GRIK3: variants seen among roughly 807,000 people sequenced by gnomAD.
The protein encoded by GRIK3 is glutamate receptor ionotropic, kainate 3.
In GRIK3, 29 loss-of-function variants were observed where a neutral mutation model predicts 102.5. The ratio of observed to expected loss-of-function variants is 0.28; its 90% CI spans 0.21 to 0.39. The LOEUF (loss-of-function observed/expected upper bound fraction) is 0.39, where lower values mean the gene tolerates loss of function less well. Among genes scored for constraint, GRIK3 ranks in the 10% least tolerant of loss-of-function variants. The pLI, the probability that GRIK3 is intolerant of heterozygous loss-of-function variation, is 1.00. For synonymous variants in GRIK3, 511 were observed against 504.9 expected, an observed-to-expected ratio of 1.01 and a Z score of -0.16; for missense variants, 908 against 1,252.4, an observed-to-expected ratio of 0.73 and a Z score of 4.15.
chr1:37,000,374 A>G (rs1642464201), intron 1 of GRIK3, among the ~76,000 whole-genome samples: 1 of 152,234 alleles, frequency 6.6e-6, no homozygotes, highest in Non-Finnish European at 1.5e-5. Context: ...TATAACCTCT[A>G]ATTAATTCAG....
At chr1:36,902,907 A>G (rs771050213) in intron 1 of GRIK3, among the ~76,000 whole-genome samples, 10 of 151,950 alleles carry the variant, frequency 6.6e-5, no homozygotes, top group Non-Finnish European at 1.0e-4. Context: ...CTCCTGTCTC[A>G]GCCTCCTGAG....
At chr1:37,010,698 C>G (rs34270812) in intron 1 of GRIK3, among the ~76,000 whole-genome samples, 3 of 150,858 alleles carry the variant, frequency 2.0e-5, no homozygotes, top group Admixed American at 6.6e-5. Context: ...ACTGCGCCAT[C>G]GCAGGTGTCA....
Position 36,819,844 on chromosome 1 carries a change from A to T in GRIK3, c.1765T>A (p.Tyr589Asn). The stretch of plus-strand genomic sequence containing the variant: ...CAGGGGTGAGCATCGTACCACTCAT[A>T]AGGGCTGAACCTGCCACAGGAGGAG... ...VLFVIARFSP[Y>N]EWYDAHPCNP... The change falls in exon 12 of 16, where the codon TAT becomes AAT. Residue 589 changes from tyrosine (Y) to asparagine (N), a missense_variant. Tyr to Asn is a moderately radical substitution (Grantham distance 143, BLOSUM62 -2). Around this residue, in one of 3 missense-constraint regions of GRIK3, gnomAD observed 585 missense variants for 824.9 expected, o/e 0.71. Transcript: ENST00000373091. This position sits in a 1 kb window ranked among gnomAD's most constrained non-coding sequence, Gnocchi z 4.1. 1.3e-6 allele frequency: 2 copies of T among 1,557,226 alleles called. No individual in the cohort carries two copies. Among genetic ancestry groups the T allele is most frequent in the Non-Finnish European group, 1.8e-6 (2 of 1,139,546 alleles).
At chr1:36,864,061 C>T (rs757541884) in intron 5 of GRIK3, among the ~76,000 whole-genome samples, 2 of 152,114 alleles carry the variant, frequency 1.3e-5, no homozygotes, top group African/African-American at 4.8e-5. Flanking sequence ...GTGTTATTGC[C>T]GGGAAGTGGC....
intron 10 of GRIK3, among the ~76,000 whole-genome samples, chr1:36,835,751 C>G (rs1170878587): frequency 6.6e-6 from 1 of 152,202 alleles, no homozygotes. Flanking sequence ...CCAATACTCC[C>G]TTCATCCCTC....
chr1:36,848,883 A>AAT (rs1317804652), intron 9 of GRIK3, among the ~76,000 whole-genome samples: 1 of 152,092 alleles, frequency 6.6e-6, no homozygotes, highest in African/African-American at 2.4e-5. Flanking sequence ...AAAGTTGATC[A>AAT]ATAAAGGCCA....
chr1:36,802,552 T>G (rs1179222942), intron 15 of GRIK3, among the ~76,000 whole-genome samples: 1 of 152,188 alleles, frequency 6.6e-6, no homozygotes, highest in Non-Finnish European at 1.5e-5. Context: ...CTCAGGGAAG[T>G]CCAGCACATG....
chr1:36,846,467 T>A (rs1479940419), intron 9 of GRIK3, among the ~76,000 whole-genome samples: 1 of 152,180 alleles, frequency 6.6e-6, no homozygotes, highest in Non-Finnish European at 1.5e-5. Context: ...AACTCCCCCT[T>A]ATCAGGGGTC....
intron 1 of GRIK3, among the ~76,000 whole-genome samples, chr1:36,914,602 C>T (rs1641379434): frequency 6.6e-6 from 1 of 152,156 alleles, no homozygotes; most frequent in Admixed American, 6.5e-5. Context: ...ATTTGAGGTC[C>T]AGGGCTAGAT....
chr1:36,926,483 C>T (rs2133909), intron 1 of GRIK3, among the ~76,000 whole-genome samples: 126,360 of 151,584 alleles, frequency 0.83, 53,314 homozygotes, highest in Admixed American at 0.9. Context: ...CTCTGCCTCC[C>T]GGGTTCAAGC....
chr1:36,926,679 G>A (rs1432460827), intron 1 of GRIK3, among the ~76,000 whole-genome samples: 1 of 151,936 alleles, frequency 6.6e-6, no homozygotes, highest in Non-Finnish European at 1.5e-5. Context: ...GTGAGCCACC[G>A]TGCCCGGCCC....
chr1:37,033,056 T>C (rs1398715643), intron 1 of GRIK3, among the ~76,000 whole-genome samples: 15 of 152,032 alleles, frequency 9.9e-5, no homozygotes, highest in African/African-American at 3.6e-4. Context: ...CCTGCGGTGA[T>C]GGAGGCTCCG....
intron 10 of GRIK3, among the ~76,000 whole-genome samples, chr1:36,832,960 C>T (rs1640327403): frequency 6.6e-6 from 1 of 152,194 alleles, no homozygotes; most frequent in African/African-American, 2.4e-5. Context: ...CCGCACTGCT[C>T]CTCCGTGTCT....
rs781151512 is a variant in GRIK3 at position 36,880,013 on chromosome 1, G to A, written c.550+621C>T. ...GGGTAGAGAAGAGTGTGTGTGTGGC[G>A]GGTGAAGGTGTGAGGAGGATGAGAA... On this transcript the variant is annotated intron_variant, in intron 3 of 15. Transcript: ENST00000373091. This position sits in a 1 kb window ranked among gnomAD's most constrained non-coding sequence, Gnocchi z 5.4. Among the ~76,000 whole-genome samples, 11 of 152,096 alleles carry A rather than the reference G, an allele frequency of 7.2e-5. No individual in the cohort carries two copies. The highest frequency in any genetic ancestry group is 1.5e-4 in the Non-Finnish European group (10 of 67,992).
chr1:36,841,691 T>A (rs1307250283), intron 10 of GRIK3, 45 bp downstream of exon 10: 3 of 1,517,594 alleles, frequency 2.0e-6, no homozygotes, highest in Non-Finnish European at 2.7e-6. Flanking sequence ...CTAGGCCAAG[T>A]CTCCCCAGGG....
At chr1:37,033,965 G>A in intron 1 of GRIK3, 29 bp downstream of exon 1, 1 of 1,347,456 alleles carries the variant, frequency 7.4e-7, no homozygotes, top group Non-Finnish European at 1.0e-6. Context: ...CCGGGCGCAC[G>A]GAGACCCCCG....
In GRIK3 at chr1:36,806,280, C is replaced by T; in HGVS notation, c.2138G>A (p.Ser713Asn). ...TFEKMWAFMS[S>N]KPSALVKNNE... ...GTTCTTCACCAGCGCCGATGGCTTG[C>T]TGCTCATGAAGGCCCACATCTTCTC... Residue 713 changes from serine to asparagine, a missense_variant, in exon 14 of 16, where the codon AGC becomes AAC. By Grantham distance (46) the Ser-to-Asn change is conservative. Transcript: ENST00000373091. This position sits in a 1 kb window ranked among gnomAD's most constrained non-coding sequence, Gnocchi z 4.0. 6.2e-7 allele frequency: 1 copy of T among 1,614,172 alleles called. No homozygotes were observed.
chr1:36,968,631 T>C (rs569738360), intron 1 of GRIK3, among the ~76,000 whole-genome samples: 1 of 152,306 alleles, frequency 6.6e-6, no homozygotes, highest in Non-Finnish European at 1.5e-5. Context: ...CACAGGAACA[T>C]GGTCACAGTT....
At chr1:36,828,378 G>A (rs517347) in intron 10 of GRIK3, among the ~76,000 whole-genome samples, 2,508 of 152,268 alleles carry the variant, frequency 0.016, 67 homozygotes, top group African/African-American at 0.054. Flanking sequence ...AGTGGACTGC[G>A]TATTCAATAG....
Sources: allele counts gnomAD v4.1 joint callset (sites outside exome capture counted in the v4.1 genomes callset), GRCh38; gene constraint gnomAD v4.1.1; regional missense constraint gnomAD v4.1.1; non-coding constraint Gnocchi (gnomAD v3.1); transcripts MANE v1.5; gene names NCBI Gene and HGNC (gene_info 2026-07-23, HGNC 2026-07-21).